Variants in PCDH1 observed in about 807,000 individuals in gnomAD.
The protein encoded by PCDH1 is protocadherin 1.
A neutral mutation model predicts 74.6 loss-of-function variants in PCDH1; 23 were observed. The observed-to-expected ratio is 0.31, with a 90% CI of 0.22 to 0.44. The LOEUF (loss-of-function observed/expected upper bound fraction) is 0.44, where lower values mean the gene tolerates loss of function less well. Among genes scored for constraint, PCDH1 ranks in the 20% least tolerant of loss-of-function variants. The pLI is 1.00. For missense variants in PCDH1, 1,214 were observed against 1,641.4 expected, an observed-to-expected ratio of 0.74 and a Z score of 4.50; for synonymous variants, 647 against 686.1, an observed-to-expected ratio of 0.94 and a Z score of 0.89.
intron 1 of PCDH1, among the ~76,000 whole-genome samples, chr5:141,872,538 G>A (rs1320303537): frequency 6.6e-6 from 1 of 152,170 alleles, no homozygotes; most frequent in East Asian, 1.9e-4. Flanking sequence ...AATTCAGGGG[G>A]CCATGATCTG....
At chr5:141,870,277 T>C (rs1753056200) in intron 1 of PCDH1, among the ~76,000 whole-genome samples, 1 of 149,630 alleles carries the variant, frequency 6.7e-6, no homozygotes, top group Non-Finnish European at 1.5e-5. Flanking sequence ...CCCCAGAGCA[T>C]GCACACATGC....
At chr5:141,856,747 C>A (rs770699545) in intron 4 of PCDH1, among the ~76,000 whole-genome samples, 20 of 152,246 alleles carry the variant, frequency 1.3e-4, no homozygotes, top group Non-Finnish European at 2.2e-4. Context: ...CACTCCTCAC[C>A]CCAGCATATC....
rs772705934 is a variant in PCDH1 at position 141,863,599 on chromosome 5, C to T, written c.2732G>A (p.Ser911Asn). 1 of 1,614,194 alleles carries T rather than the reference C, an allele frequency of 6.2e-7. No homozygotes were observed. Among genetic ancestry groups the T allele is most frequent in the Non-Finnish European group, 8.5e-7 (1 of 1,180,024 alleles). ...PSGKASKGNK[S>N]KGKKSKSPKP... is the part of the protein sequence containing the mutation. The stretch of plus-strand genomic sequence containing the variant: ...TGGGGACTTGCTCTTCTTGCCTTTG[C>T]TTTTGTTTCCCTTGGAGGCCTTGCC... The change falls in exon 3 of 5, where the codon AGC (serine) becomes AAC (asparagine). Residue 911 changes from serine (S) to asparagine (N), a missense_variant. Transcript: ENST00000287008. This position sits in a 1 kb window ranked among gnomAD's most constrained non-coding sequence, Gnocchi z 7.5.
intron 4 of PCDH1, among the ~76,000 whole-genome samples, chr5:141,854,825 C>T (rs1752267696): frequency 6.6e-6 from 1 of 152,084 alleles, no homozygotes; most frequent in Non-Finnish European, 1.5e-5. Flanking sequence ...GCGCCCACCA[C>T]CATATCTGGT....
chr5:141,857,300 G>A lies in PCDH1; in HGVS notation c.3271C>T (p.Arg1091Cys), dbSNP rs764657895. The A allele has an allele frequency of 1.2e-6, 2 of 1,612,004 alleles. No homozygotes were observed. The highest frequency in any genetic ancestry group is 2.2e-5 in the East Asian group (1 of 44,866). The change falls in exon 4 of 5, where the codon CGC (arginine) becomes TGC (cysteine). Residue 1091 changes from arginine to cysteine, a missense_variant. Physicochemically the swap from Arg to Cys is radical, Grantham distance 180 (BLOSUM62 -3). This residue lies in a region of PCDH1 where 836 missense variants were observed against 1,182.2 expected (regional missense o/e 0.71). Transcript: ENST00000287008. ...PLALPEDHYE[R>C]TTPDGSIGEM... The stretch of plus-strand genomic sequence containing the variant: ...CCTATGCTGCCATCAGGGGTGGTGC[G>A]CTCATAGTGATCCTCAGGCAGGGCC...
rs1180341995 is a variant in PCDH1 at position 141,863,720 on chromosome 5, C to G, written c.2611G>C (p.Ala871Pro). 6.2e-7 allele frequency: 1 copy of G among 1,614,078 alleles called. No individual in the cohort carries two copies. ...VVAVALLIAL[A>P]VLVRYCRQRE... ...TGTCTGCAGTAGCGCACAAGAACCG[C>G]CAGGGCGATGAGCAAGGCCACGGCC... Residue 871 changes from alanine (A) to proline (P), a missense_variant, in exon 3 of 5, where the codon GCG becomes CCG. By Grantham distance (27) the Ala-to-Pro change is conservative. Coordinates refer to ENST00000287008, the MANE Select transcript of PCDH1 (RefSeq NM_032420.5). The surrounding 1 kb of genome is among the most constrained non-coding windows in gnomAD (Gnocchi z 7.5).
At chr5:141,872,676 A>C (rs1753122765) in intron 1 of PCDH1, among the ~76,000 whole-genome samples, 1 of 152,142 alleles carries the variant, frequency 6.6e-6, no homozygotes, top group Admixed American at 6.5e-5. Context: ...CAGAACAGGC[A>C]CACATGCTTG....
rs1752962086 is a variant in PCDH1, at chr5:141,868,624, G to A, written c.848C>T (p.Pro283Leu). 1 of 1,592,936 alleles carries A rather than the reference G, an allele frequency of 6.3e-7. No homozygotes were observed. The highest frequency in any genetic ancestry group is 8.6e-7 in the Non-Finnish European group (1 of 1,168,696). The change falls in exon 2 of 5, where the codon CCC becomes CTC. Residue 283 changes from proline to leucine, a missense_variant. Pro to Leu is a moderately conservative substitution (Grantham distance 98). Around this residue, in one of 4 missense-constraint regions of PCDH1, gnomAD observed 836 missense variants for 1,182.2 expected, o/e 0.71. Transcript: ENST00000287008. The surrounding 1 kb of genome is among the most constrained non-coding windows in gnomAD (Gnocchi z 4.8). The stretch of plus-strand genomic sequence containing the variant: ...CTCAGATAGTTCGGCCTCATAGGAG[G>A]GCCGCTCAAACTTGGGGGCGTTGTC... ...TNDNAPKFER[P>L]SYEAELSENS...
At chr5:141,857,653 C>T (rs752179540) in intron 3 of PCDH1, among the ~76,000 whole-genome samples, 182 bp from the exon 4 acceptor site, 6 of 152,156 alleles carry the variant, frequency 3.9e-5, no homozygotes, top group Non-Finnish European at 8.8e-5. Context: ...AAGACAGCTC[C>T]TGAGTTCTAG....
At chr5:141,877,188 G>A (rs548799059) in intron 1 of PCDH1, among the ~76,000 whole-genome samples, 2 of 152,278 alleles carry the variant, frequency 1.3e-5, no homozygotes, top group East Asian at 3.9e-4. Flanking sequence ...TGCGCTGCAG[G>A]GTGTAATGTA....
intron 4 of PCDH1, among the ~76,000 whole-genome samples, chr5:141,855,314 CTT>C (rs1752292965): frequency 6.6e-6 from 1 of 152,054 alleles, no homozygotes; most frequent in Non-Finnish European, 1.5e-5. Context: ...CCCCAGTGCT[CTT>C]CTTACACACC....
In PCDH1 at chr5:141,863,426, A is replaced by T; in HGVS notation, c.2905T>A (p.Tyr969Asn). The T allele has an allele frequency of 6.4e-7, 1 of 1,562,098 alleles. No homozygotes were observed. Residue 969 changes from tyrosine to asparagine, a missense_variant, in exon 3 of 5, where the codon TAT becomes AAT. Tyr to Asn is a moderately radical substitution (Grantham distance 143). Coordinates refer to ENST00000287008, the MANE Select transcript of PCDH1 (RefSeq NM_032420.5). The surrounding 1 kb of genome is among the most constrained non-coding windows in gnomAD (Gnocchi z 7.5). Reference protein sequence around the residue: ...PPGSPDLGRHYRSNSPLPSIQ... With the variant: ...PPGSPDLGRHNRSNSPLPSIQ... The stretch of plus-strand genomic sequence containing the variant: ...GAAGGCAGTGGGGAGTTAGAGCGAT[A>T]GTGGCGGCCCAGGTCAGGGCTGCCT...
Position 141,864,975 on chromosome 5 carries a change from G to C in PCDH1, c.1356C>G (p.Ser452Arg). The C allele has an allele frequency of 6.2e-7, 1 of 1,614,038 alleles. No homozygotes were observed. The change falls in exon 3 of 5, where the codon AGC becomes AGG. Residue 452 changes from serine to arginine, a missense_variant. Ser to Arg is a moderately radical substitution (Grantham distance 110). Coordinates refer to ENST00000287008, the MANE Select transcript of PCDH1 (RefSeq NM_032420.5). The surrounding 1 kb of genome is among the most constrained non-coding windows in gnomAD (Gnocchi z 5.9). ...LRQASETGSD[S>R]KKKYFLQTTT... ...TAGTCTGCAGGAAATACTTCTTCTTGCTGTCACTGCCTGTCTCACTGGCCT... is the reference window on the plus strand; with the variant it reads ...TAGTCTGCAGGAAATACTTCTTCTTCCTGTCACTGCCTGTCTCACTGGCCT...
chr5:141,860,663 G>T (rs998319953), intron 3 of PCDH1, among the ~76,000 whole-genome samples: 1 of 152,010 alleles, frequency 6.6e-6, no homozygotes, highest in Non-Finnish European at 1.5e-5. Flanking sequence ...TAGGAGACCC[G>T]CCTGCTTTGT....
chr5:141,857,392 T>G lies in PCDH1; in HGVS notation c.3179A>C (p.Asp1060Ala). The G allele has an allele frequency of 6.2e-7, 1 of 1,614,052 alleles. No homozygotes were observed. The highest frequency in any genetic ancestry group is 8.5e-7 in the Non-Finnish European group (1 of 1,179,984). The change falls in exon 4 of 5, where the codon GAC becomes GCC. Residue 1060 changes from aspartate (D) to alanine (A), a missense_variant. Around this residue, in one of 4 missense-constraint regions of PCDH1, gnomAD observed 836 missense variants for 1,182.2 expected, o/e 0.71. Transcript: ENST00000287008. ...LQDPSQHSYY[D>A]SGLEESETPS... ...CGTCTCAGACTCCTCCAGGCCACTG[T>G]CATAGTAACTGTGCTGGGATGGGTC...
At chr5:141,873,796 CTCA>C (rs937818792) in intron 1 of PCDH1, among the ~76,000 whole-genome samples, 2 of 152,014 alleles carry the variant, frequency 1.3e-5, no homozygotes, top group Non-Finnish European at 2.9e-5. Context: ...ATCATAATCA[CTCA>C]TCATCATCAT....
chr5:141,865,943 TTG>T lies in PCDH1; in HGVS notation c.904-518_904-517del, dbSNP rs1170637267. ...GAATGTGTGATTAAATGTGATATGTTTGTGTGAGAAGGTATATGTGTTTGTAT... is the reference window on the plus strand; with the variant it reads ...GAATGTGTGATTAAATGTGATATGTTTGTGAGAAGGTATATGTGTTTGTAT... On this transcript the variant is annotated intron_variant, in intron 2 of 4. Coordinates refer to ENST00000287008, the MANE Select transcript of PCDH1 (RefSeq NM_032420.5). This position sits in a 1 kb window ranked among gnomAD's most constrained non-coding sequence, Gnocchi z 4.4. The T allele has an allele frequency of 3.4e-6, 2 of 588,382 alleles. No homozygotes were observed. Among genetic ancestry groups the T allele is most frequent in the Non-Finnish European group, 4.4e-6 (2 of 459,372 alleles). 36.4% of individuals were successfully genotyped at this position (588,382 alleles called of 1,614,324 possible).
Position 141,866,305 on chromosome 5 carries a change from G to C in PCDH1, c.904-878C>G, listed in dbSNP as rs578243927. 363 of 870,512 alleles carry C rather than the reference G, an allele frequency of 4.2e-4. 2 individuals carry two copies. The African/African-American group carries it at 6.0e-3, about 14-fold the overall frequency. 53.9% of individuals were successfully genotyped at this position (870,512 alleles called of 1,614,324 possible). On this transcript the variant is annotated intron_variant, in intron 2 of 4. Transcript: ENST00000287008. ...GGGGTTGATGCAGGCCACAGAGCCTGCTGGCAGTGGGCTGGGCTCCCAGCA... is the reference window on the plus strand; with the variant it reads ...GGGGTTGATGCAGGCCACAGAGCCTCCTGGCAGTGGGCTGGGCTCCCAGCA...
In PCDH1 at chr5:141,878,223, C is replaced by T; in HGVS notation, c.40G>A (p.Ala14Thr). ...GAGGRRCPEAALLILGPPRME... is the reference protein window; with the variant it reads ...GAGGRRCPEATLLILGPPRME... ...GCCTCCACCGCCGCCGGATCCTTAC[C>T]CGCCTCCGGGCAGCGCCGGCCGCCC... The change falls in exon 1 of 5, where the codon GCC (alanine) becomes ACC (threonine). Residue 14 changes from alanine (A) to threonine (T), a missense_variant and splice_region_variant. By Grantham distance (58) the Ala-to-Thr change is moderately conservative. Coordinates refer to ENST00000287008, the MANE Select transcript of PCDH1 (RefSeq NM_032420.5). The surrounding 1 kb of genome is among the most constrained non-coding windows in gnomAD (Gnocchi z 5.5). 4 of 1,418,104 alleles carry T rather than the reference C, an allele frequency of 2.8e-6. No homozygotes were observed. The highest frequency in any genetic ancestry group is 3.7e-6 in the Non-Finnish European group (4 of 1,087,464). 87.8% of individuals were successfully genotyped at this position (1,418,104 alleles called of 1,614,324 possible).
Sources: gnomAD v4.1 joint callset for allele counts (sites outside exome capture counted in the v4.1 genomes callset) on GRCh38, gnomAD v4.1.1 for gene constraint, gnomAD v4.1.1 regional missense constraint, Gnocchi (gnomAD v3.1) non-coding constraint, MANE v1.5 for transcripts, NCBI Gene and HGNC (gene_info 2026-07-23, HGNC 2026-07-21) for gene names.